The following PEBP4 variants were observed in gnomAD, a reference collection of about 807,000 sequenced individuals.
The protein encoded by PEBP4 is phosphatidylethanolamine-binding protein 4.
Under a neutral mutation model 23.9 loss-of-function variants are expected in PEBP4, and 22 were observed. That is an observed-to-expected ratio of 0.92 (90% confidence interval 0.66 to 1.31). PEBP4 has a LOEUF of 1.31. Among genes scored for constraint, PEBP4 ranks in the 40% most tolerant of loss-of-function variants. The pLI, the probability that PEBP4 is intolerant of heterozygous loss-of-function variation, is 0.00. For synonymous variants in PEBP4, 112 were observed against 99.3 expected (o/e 1.13, Z -0.76); for missense variants, 324 against 281.7 (o/e 1.15, Z -1.07).
chr8:22,920,454 G>T, intron 2 of PEBP4, 144 bp from the exon 3 acceptor site: 1 of 972,214 alleles, frequency 1.0e-6, no homozygotes, highest in Non-Finnish European at 1.5e-6. Context: ...TGTGACCGAA[G>T]AGTTACTTGA....
chr8:22,747,749 G>A (rs1389367789), intron 4 of PEBP4, among the ~76,000 whole-genome samples: 3 of 152,220 alleles, frequency 2.0e-5, no homozygotes, highest in Non-Finnish European at 2.9e-5. Flanking sequence ...GCTCCTGGCC[G>A]GCGTTTGCCC....
chr8:22,940,810 C>T (rs1318897889), intron 1 of PEBP4, among the ~76,000 whole-genome samples: 1 of 152,196 alleles, frequency 6.6e-6, no homozygotes, highest in Non-Finnish European at 1.5e-5. Flanking sequence ...TTTCTAATAG[C>T]TCCCTAGGCC....
At chr8:22,717,950 G>A (rs996386881) in intron 6 of PEBP4, among the ~76,000 whole-genome samples, 5 of 152,170 alleles carry the variant, frequency 3.3e-5, no homozygotes, top group African/African-American at 1.2e-4. Flanking sequence ...ATGTCCCGGC[G>A]GTGGTAGGCG....
At chr8:22,886,040 A>G (rs531157628) in intron 3 of PEBP4, 3 of 152,202 alleles carry the variant, frequency 2.0e-5, no homozygotes, top group Non-Finnish European at 4.4e-5. Flanking sequence ...TGATTCATTT[A>G]TTCACTCACT....
intron 1 of PEBP4, among the ~76,000 whole-genome samples, chr8:22,933,803 T>C (rs960485489): frequency 7.2e-5 from 11 of 152,250 alleles, no homozygotes; most frequent in African/African-American, 2.7e-4. Flanking sequence ...TGGTTTGTAA[T>C]TCCACTTTTA....
At chr8:22,719,665 G>C (rs1804481834) in intron 6 of PEBP4, among the ~76,000 whole-genome samples, 2 of 152,242 alleles carry the variant, frequency 1.3e-5, no homozygotes. Context: ...TCAAATGGCT[G>C]TTAACTGTGG....
At chr8:22,766,411 G>A (rs537198856) in intron 4 of PEBP4, among the ~76,000 whole-genome samples, 2 of 152,212 alleles carry the variant, frequency 1.3e-5, no homozygotes, top group Non-Finnish European at 2.9e-5. Flanking sequence ...CTGTGCACTG[G>A]CTTTCTCATT....
intron 3 of PEBP4, among the ~76,000 whole-genome samples, chr8:22,830,672 A>G (rs937022945): frequency 1.3e-5 from 2 of 151,926 alleles, no homozygotes; most frequent in Non-Finnish European, 2.9e-5. Flanking sequence ...CAAACTAGAA[A>G]CCGGGGCACC....
chr8:22,838,671 C>A (rs147775403), intron 3 of PEBP4, among the ~76,000 whole-genome samples: 1 of 152,268 alleles, frequency 6.6e-6, no homozygotes, highest in Non-Finnish European at 1.5e-5. Context: ...GAAGCCTCGG[C>A]GGTGAAGCCA....
intron 4 of PEBP4, among the ~76,000 whole-genome samples, chr8:22,804,438 G>A (rs916848470): frequency 3.3e-5 from 5 of 152,050 alleles, no homozygotes; most frequent in Non-Finnish European, 5.9e-5. Context: ...GGACATTGGC[G>A]GTTCTCAACC....
rs73672905 is a variant in PEBP4 at position 22,839,685 on chromosome 8, G to A, written c.259-21950C>T. Among the ~76,000 whole-genome samples, 1,245 of 152,352 alleles carry A rather than the reference G, an allele frequency of 8.2e-3. 17 individuals are homozygous for A. The highest frequency in any genetic ancestry group is 0.028 in the African/African-American group (1,162 of 41,574). On this transcript the variant is annotated intron_variant, in intron 3 of 6. Transcript: ENST00000256404. ...AGCCTCTGGTTTCTAAACCTAGTGT[G>A]TGTGGGTTTCTGTCTTCCCATAGGG...
intron 3 of PEBP4, among the ~76,000 whole-genome samples, chr8:22,857,241 T>TAC (rs35324307): frequency 0.35 from 51,236 of 147,914 alleles, 8,737 homozygotes; most frequent in Middle Eastern, 0.4. Context: ...AAATGAAACC[T>TAC]ACACACACAC....
At chr8:22,923,176 T>C (rs913793202) in intron 2 of PEBP4, among the ~76,000 whole-genome samples, 2 of 152,188 alleles carry the variant, frequency 1.3e-5, no homozygotes, top group Admixed American at 1.3e-4. Flanking sequence ...GGCTGCACTT[T>C]CTTCCCCGCA....
intron 4 of PEBP4, among the ~76,000 whole-genome samples, chr8:22,807,886 T>C (rs1444874099): frequency 1.3e-5 from 2 of 150,906 alleles, no homozygotes; most frequent in African/African-American, 4.9e-5. Context: ...CATCCATCCA[T>C]CCATCCATCC....
At chr8:22,818,845 T>C (rs1585290388) in intron 3 of PEBP4, among the ~76,000 whole-genome samples, 1 of 151,374 alleles carries the variant, frequency 6.6e-6, no homozygotes, top group Non-Finnish European at 1.5e-5. Context: ...ATCGGCAGGG[T>C]TTGCTGATAG....
chr8:22,879,874 G>A (rs897879046), intron 3 of PEBP4, among the ~76,000 whole-genome samples: 2 of 152,322 alleles, frequency 1.3e-5, no homozygotes, highest in Middle Eastern at 3.4e-3. Context: ...ATTTTCTGGT[G>A]TGTTTATTTC....
chr8:22,888,135 T>C (rs1307162315), intron 3 of PEBP4: 1 of 151,566 alleles, frequency 6.6e-6, no homozygotes, highest in Non-Finnish European at 1.5e-5. Flanking sequence ...ACCTAGGATG[T>C]TTGGCCAACC....
intron 3 of PEBP4, among the ~76,000 whole-genome samples, chr8:22,817,987 A>C (rs1238136074): frequency 6.6e-6 from 1 of 152,234 alleles, no homozygotes; most frequent in Non-Finnish European, 1.5e-5. Context: ...AACAAGATAT[A>C]CATACCAAGC....
intron 3 of PEBP4, among the ~76,000 whole-genome samples, chr8:22,823,543 CTA>C (rs997072575): frequency 5.3e-5 from 8 of 150,682 alleles, no homozygotes; most frequent in African/African-American, 7.3e-5. Flanking sequence ...ATATATCTAA[CTA>C]TATATATATA....
Sources: gnomAD v4.1 joint callset for allele counts (sites outside exome capture counted in the v4.1 genomes callset) on GRCh38, gnomAD v4.1.1 for gene constraint, MANE v1.5 for transcripts, NCBI Gene and HGNC (gene_info 2026-07-23, HGNC 2026-07-21) for gene names.